The following TUSC3 variants were observed in gnomAD, a reference collection of about 807,000 sequenced individuals.
The protein encoded by TUSC3 is dolichyl-diphosphooligosaccharide--protein glycosyltransferase subunit TUSC3.
A neutral mutation model predicts 44.8 loss-of-function variants in TUSC3; 45 were observed. The ratio of observed to expected loss-of-function variants is 1.00; its 90% CI spans 0.79 to 1.29. The LOEUF is 1.29. Ranked by LOEUF, TUSC3 falls within the 50% of genes most tolerant of loss-of-function variation. The probability of loss-of-function intolerance (pLI) is 0.00; values close to 1 mark genes in which losing one functional copy is unlikely to be tolerated. For missense variants in TUSC3, 519 were observed against 437.9 expected, an observed-to-expected ratio of 1.19 and a Z score of -1.65; for synonymous variants, 212 against 152.9, an observed-to-expected ratio of 1.39 and a Z score of -2.85.
intron 2 of TUSC3, among the ~76,000 whole-genome samples, chr8:15,531,079 G>C (rs1448126385): frequency 6.6e-6 from 1 of 152,140 alleles, no homozygotes; most frequent in Non-Finnish European, 1.5e-5. Flanking sequence ...GCACTAGTAG[G>C]CCGCTGTGCA....
Position 15,766,381 on chromosome 8 carries a change from A to C in TUSC3, c.*2225A>C, listed in dbSNP as rs1354963342. ...TGCGATGTATTTACCTTTGCTAGAC[A>C]ATGAGAATTGAATAATTGATTTGTA... On this transcript the variant is annotated 3_prime_UTR_variant, in exon 11 of 11. Transcript: ENST00000503731. 2 of 152,132 alleles carry C rather than the reference A, an allele frequency of 1.3e-5. No homozygotes were observed. The highest frequency in any genetic ancestry group is 1.5e-5 in the Non-Finnish European group (1 of 67,992). 9.4% of individuals were successfully genotyped at this position (152,132 alleles called of 1,614,324 possible).
intron 1 of TUSC3, among the ~76,000 whole-genome samples, chr8:15,421,773 T>A (rs1253979730): frequency 6.6e-6 from 1 of 152,198 alleles, no homozygotes; most frequent in African/African-American, 2.4e-5. Context: ...TCTGAGACCC[T>A]GGATCATAGA....
intron 2 of TUSC3, among the ~76,000 whole-genome samples, chr8:15,509,874 A>T (rs1188316104): frequency 6.6e-6 from 1 of 152,194 alleles, no homozygotes; most frequent in Non-Finnish European, 1.5e-5. Flanking sequence ...TTGAAATTTT[A>T]ATAAGTTATT....
intron 10 of TUSC3, chr8:15,758,312 A>G (rs2129223352): frequency 1.1e-6 from 1 of 938,268 alleles, no homozygotes; most frequent in Non-Finnish European, 1.3e-6. Context: ...TAAAATCAAC[A>G]TTTGCTAAAT....
At chr8:15,833,194 A>C in the TUSC3 span, among the ~76,000 whole-genome samples, 1 of 152,296 alleles carries the variant, frequency 6.6e-6, no homozygotes, top group East Asian at 1.9e-4. Context: ...GCTCTTGCTA[A>C]AAAGTCAAAA....
chr8:15,832,362 A>G, the TUSC3 span, among the ~76,000 whole-genome samples: 3 of 152,194 alleles, frequency 2.0e-5, no homozygotes, highest in Non-Finnish European at 2.9e-5. Context: ...GACACTACAC[A>G]TCAGCCACAC....
Position 15,620,604 on chromosome 8 carries a change from C to A in TUSC3, c.139-2476C>A, listed in dbSNP as rs550129097. 2.0e-5 allele frequency among the ~76,000 whole-genome samples: 3 copies of A among 152,184 alleles called. No individual in the cohort carries two copies. In the South Asian group the frequency reaches 6.2e-4, roughly 32 times the overall value. On this transcript the variant is annotated intron_variant, in intron 1 of 10. Transcript: ENST00000503731. ...ACTACAAAAAGGAATTCAGTTAAAC[C>A]AAGTTAAGAGTATGCATTCTTGTGT... is the stretch of plus-strand genomic sequence containing the variant.
chr8:15,492,419 C>T (rs527497638), intron 2 of TUSC3, among the ~76,000 whole-genome samples: 56 of 152,102 alleles, frequency 3.7e-4, no homozygotes, highest in Non-Finnish European at 6.5e-4. Flanking sequence ...CTGCACAGTT[C>T]TAGAAGGCAA....
intron 5 of TUSC3, among the ~76,000 whole-genome samples, chr8:15,670,744 A>G (rs1807910990): frequency 6.6e-6 from 1 of 151,854 alleles, no homozygotes; most frequent in South Asian, 2.1e-4. Context: ...AATAAAATGA[A>G]AAGAAAGACA....
At chr8:15,451,028 C>G (rs1029603045) in intron 1 of TUSC3, among the ~76,000 whole-genome samples, 3 of 152,130 alleles carry the variant, frequency 2.0e-5, no homozygotes, top group Admixed American at 6.5e-5. Context: ...AAGGAAACTT[C>G]ACAAACCTTT....
intron 1 of TUSC3, among the ~76,000 whole-genome samples, chr8:15,581,604 C>A (rs375912821): frequency 1.4e-5 from 2 of 146,642 alleles, no homozygotes; most frequent in Non-Finnish European, 3.0e-5. Context: ...GCCCCTGCTG[C>A]GGGGTGCCTC....
chr8:15,803,460 GAATTT>G, the TUSC3 span, among the ~76,000 whole-genome samples: 1 of 149,244 alleles, frequency 6.7e-6, no homozygotes, highest in Non-Finnish European at 1.5e-5. Context: ...AAGAACTAAA[GAATTT>G]AATATGACAA....
chr8:15,540,233 G>A (rs1486738700), upstream of TUSC3: 33 of 757,072 alleles, frequency 4.4e-5, no homozygotes, highest in Non-Finnish European at 6.0e-5. Context: ...GCCTTTCCAG[G>A]TCTTCTCCCG....
rs554336447 is a variant in TUSC3 at position 15,616,313 on chromosome 8, C to T, written c.139-6767C>T. Among the ~76,000 whole-genome samples, 6 of 152,298 alleles carry T rather than the reference C, an allele frequency of 3.9e-5. No individual in the cohort carries two copies. In the East Asian group the frequency reaches 7.7e-4, roughly 20 times the overall value. ...GAATATCAGGCCAGGTGTGGTGGCTCACGCCAGTAATCCCAGCACTTTGGG... is the reference window on the plus strand; with the variant it reads ...GAATATCAGGCCAGGTGTGGTGGCTTACGCCAGTAATCCCAGCACTTTGGG... On this transcript the variant is annotated intron_variant, in intron 1 of 10. Transcript: ENST00000503731.
At chr8:15,824,922 G>C in the TUSC3 span, among the ~76,000 whole-genome samples, 1 of 152,120 alleles carries the variant, frequency 6.6e-6, no homozygotes, top group Non-Finnish European at 1.5e-5. Flanking sequence ...TTCAGTTACA[G>C]TGCTTTCCTC....
the TUSC3 span, among the ~76,000 whole-genome samples, chr8:15,847,421 G>A: frequency 3.9e-5 from 6 of 152,212 alleles, no homozygotes; most frequent in African/African-American, 1.4e-4. Flanking sequence ...CACTCGAAAT[G>A]TTTGGGTTTA....
intron 1 of TUSC3, among the ~76,000 whole-genome samples, chr8:15,563,646 A>G (rs1310441718): frequency 1.4e-5 from 2 of 146,348 alleles, no homozygotes; most frequent in African/African-American, 5.1e-5. Context: ...GGATTGTGCC[A>G]TAGCACTCCA....
intron 6 of TUSC3, among the ~76,000 whole-genome samples, chr8:15,702,167 T>C (rs1452291417): frequency 6.6e-6 from 1 of 152,196 alleles, no homozygotes; most frequent in African/African-American, 2.4e-5. Flanking sequence ...AGACTCTTTT[T>C]GTTTACTCTG....
chr8:15,568,544 A>C (rs939894481), intron 1 of TUSC3, among the ~76,000 whole-genome samples: 1 of 152,088 alleles, frequency 6.6e-6, no homozygotes, highest in Non-Finnish European at 1.5e-5. Context: ...CATGAAAGAC[A>C]TTTATAACTT....
Sources: allele counts gnomAD v4.1 joint callset (sites outside exome capture counted in the v4.1 genomes callset), GRCh38; gene constraint gnomAD v4.1.1; transcripts MANE v1.5; gene names NCBI Gene and HGNC (gene_info 2026-07-23, HGNC 2026-07-21).